Variants in RAP1GDS1 observed in about 807,000 individuals in gnomAD.
RAP1GDS1 encodes Rap1 GTPase-GDP dissociation stimulator 1.
RAP1GDS1 carries 35 observed loss-of-function variants against 71.1 expected under a neutral mutation model. The observed-to-expected ratio is 0.49, with a 90% confidence interval of 0.38 to 0.65. RAP1GDS1 has a LOEUF of 0.65. RAP1GDS1 is among the 30% of genes least tolerant of loss of function. The probability of loss-of-function intolerance (pLI) is 0.00; values close to 1 mark genes in which losing one functional copy is unlikely to be tolerated. For synonymous variants in RAP1GDS1, 229 were observed against 243.1 expected, an observed-to-expected ratio of 0.94 and a Z score of 0.54; for missense variants, 663 against 706.1, an observed-to-expected ratio of 0.94 and a Z score of 0.69.
At chr4:98,334,726 TAGTC>T (rs1230686089) in intron 2 of RAP1GDS1, among the ~76,000 whole-genome samples, 5 of 152,114 alleles carry the variant, frequency 3.3e-5, no homozygotes, top group Non-Finnish European at 5.9e-5. Context: ...AAGCAATTGT[TAGTC>T]AGGCAAACCT....
At chr4:98,432,488 T>A (rs1457390201) in intron 12 of RAP1GDS1, among the ~76,000 whole-genome samples, 1 of 152,094 alleles carries the variant, frequency 6.6e-6, no homozygotes, top group East Asian at 1.9e-4. Context: ...CTAAAACAGA[T>A]TGATGGGGAA....
At chr4:98,268,412 C>G (rs985886903) in intron 1 of RAP1GDS1, among the ~76,000 whole-genome samples, 1 of 151,636 alleles carries the variant, frequency 6.6e-6, no homozygotes, top group South Asian at 2.1e-4. Context: ...AGAAAAAAAA[C>G]AAGGATGCCC....
chr4:98,404,374 AT>A (rs1160694608), intron 6 of RAP1GDS1, 102 bp from the exon 7 acceptor site: 1 of 1,102,420 alleles, frequency 9.1e-7, no homozygotes, highest in African/African-American at 1.6e-5. Context: ...TTTGAAGAGT[AT>A]TTGTATTTAT....
At chr4:98,404,368 A>G (rs1745839664) in intron 6 of RAP1GDS1, 109 bp from the exon 7 acceptor site, 2 of 1,019,944 alleles carry the variant, frequency 2.0e-6, no homozygotes, top group Non-Finnish European at 2.7e-6. Flanking sequence ...CCCATATTTG[A>G]AGAGTATTTG....
intron 2 of RAP1GDS1, among the ~76,000 whole-genome samples, chr4:98,342,009 T>C (rs1560868897): frequency 6.6e-6 from 1 of 152,214 alleles, no homozygotes; most frequent in African/African-American, 2.4e-5. Flanking sequence ...TCTTTTTTGT[T>C]GTAGATGTTG....
chr4:98,263,103 CGTTT>C (rs1722257352), intron 1 of RAP1GDS1, among the ~76,000 whole-genome samples: 1 of 152,134 alleles, frequency 6.6e-6, no homozygotes, highest in Non-Finnish European at 1.5e-5. Context: ...AACATACACA[CGTTT>C]ATGTGTGTTC....
At chr4:98,364,642 C>T (rs1739207746) in intron 4 of RAP1GDS1, among the ~76,000 whole-genome samples, 1 of 151,800 alleles carries the variant, frequency 6.6e-6, no homozygotes, top group South Asian at 2.1e-4. Context: ...TAAAATTTAC[C>T]TAATTGAAAG....
chr4:98,263,856 A>G (rs1340445859), intron 1 of RAP1GDS1, among the ~76,000 whole-genome samples: 3 of 152,226 alleles, frequency 2.0e-5, no homozygotes, highest in Non-Finnish European at 1.5e-5. Context: ...GCCTCCCAGT[A>G]CACTGTAGGT....
chr4:98,266,035 T>A (rs186518838), intron 1 of RAP1GDS1, among the ~76,000 whole-genome samples: 5 of 152,266 alleles, frequency 3.3e-5, no homozygotes, highest in African/African-American at 9.6e-5. Flanking sequence ...CATAGATTTT[T>A]AAAAATATTT....
At chr4:98,412,989 A>G (rs551993890) in intron 7 of RAP1GDS1, among the ~76,000 whole-genome samples, 1 of 152,274 alleles carries the variant, frequency 6.6e-6, no homozygotes, top group South Asian at 2.1e-4. Context: ...CTGTGCACGT[A>G]TTATCTTGAT....
intron 5 of RAP1GDS1, among the ~76,000 whole-genome samples, chr4:98,387,907 T>C (rs1310073687): frequency 6.6e-6 from 1 of 152,188 alleles, no homozygotes; most frequent in Non-Finnish European, 1.5e-5. Flanking sequence ...CTGCCTAATG[T>C]ATCTAGAGAA....
chr4:98,324,350 G>A (rs1732554922), intron 2 of RAP1GDS1, among the ~76,000 whole-genome samples: 1 of 152,114 alleles, frequency 6.6e-6, no homozygotes, highest in South Asian at 2.1e-4. Context: ...ACTACCCAAG[G>A]TAATTTACAG....
chr4:98,312,416 T>TA (rs1730365271), intron 2 of RAP1GDS1, among the ~76,000 whole-genome samples: 1 of 152,232 alleles, frequency 6.6e-6, no homozygotes, highest in African/African-American at 2.4e-5. Context: ...AGCTCCTAGA[T>TA]AAACATACAA....
intron 3 of RAP1GDS1, among the ~76,000 whole-genome samples, chr4:98,348,792 T>C (rs1243741397): frequency 6.6e-6 from 1 of 152,234 alleles, no homozygotes; most frequent in Non-Finnish European, 1.5e-5. Context: ...TTCATATCCT[T>C]CGCTCAGTTT....
At chr4:98,402,907 AAT>A (rs1203761513) in intron 6 of RAP1GDS1, among the ~76,000 whole-genome samples, 1 of 152,200 alleles carries the variant, frequency 6.6e-6, no homozygotes, top group Admixed American at 6.5e-5. Context: ...TTTATTTTAA[AAT>A]AGTTTGCAAA....
intron 4 of RAP1GDS1, among the ~76,000 whole-genome samples, chr4:98,362,374 G>A (rs1738862037): frequency 6.6e-6 from 1 of 152,138 alleles, no homozygotes; most frequent in African/African-American, 2.4e-5. Flanking sequence ...TACTCAGGAG[G>A]CTGAGGTAGG....
At chr4:98,270,258 T>C (rs1723269337) in intron 1 of RAP1GDS1, among the ~76,000 whole-genome samples, 1 of 152,158 alleles carries the variant, frequency 6.6e-6, no homozygotes, top group Non-Finnish European at 1.5e-5. Context: ...AACATGAGTT[T>C]TGGAGGGGAC....
intron 5 of RAP1GDS1, among the ~76,000 whole-genome samples, chr4:98,390,043 A>C (rs771322742): frequency 7.2e-5 from 11 of 152,210 alleles, no homozygotes; most frequent in Non-Finnish European, 1.5e-4. Context: ...TCAGCTCTGC[A>C]GTATTTGACA....
chr4:98,421,109 A>G (rs1359670871), intron 11 of RAP1GDS1, 146 bp from the exon 12 acceptor site: 1 of 830,214 alleles, frequency 1.2e-6, no homozygotes, highest in Non-Finnish European at 1.7e-6. Flanking sequence ...ATAGCCCATC[A>G]CATAAGGAAT....
Sources: allele counts gnomAD v4.1 joint callset (sites outside exome capture counted in the v4.1 genomes callset), GRCh38; gene constraint gnomAD v4.1.1; transcripts MANE v1.5; gene names NCBI Gene and HGNC (gene_info 2026-07-23, HGNC 2026-07-21).